Variants in FBXO11 observed in about 807,000 individuals in gnomAD.
FBXO11 encodes F-box protein 11.
A neutral mutation model predicts 117.0 loss-of-function variants in FBXO11; 13 were observed. The observed-to-expected ratio is 0.11, with a 90% confidence interval of 0.07 to 0.18. FBXO11 has a LOEUF of 0.18. FBXO11 is among the 10% of genes least tolerant of loss of function. The probability of loss-of-function intolerance (pLI) is 1.00; values close to 1 mark genes in which losing one functional copy is unlikely to be tolerated. For synonymous variants in FBXO11, 490 were observed against 380.5 expected, an observed-to-expected ratio of 1.29 and a Z score of -3.35; for missense variants, 767 against 1,164.4, an observed-to-expected ratio of 0.66 and a Z score of 4.97.
chr2:47,885,176 A>G (rs1558472575), intron 1 of FBXO11, among the ~76,000 whole-genome samples: 1 of 152,266 alleles, frequency 6.6e-6, no homozygotes, highest in Non-Finnish European at 1.5e-5. Flanking sequence ...AAAGCCATCA[A>G]GAAGACATAA....
At chr2:47,819,119 A>G (rs1219816860) in intron 14 of FBXO11, 41 bp from the exon 15 acceptor site, 1 of 1,597,190 alleles carries the variant, frequency 6.3e-7, no homozygotes, top group Non-Finnish European at 8.5e-7. Context: ...TATCTTCTAT[A>G]AGCAAGGCGT....
chr2:47,834,534 A>C, intron 7 of FBXO11, 45 bp downstream of exon 7: 2 of 1,437,374 alleles, frequency 1.4e-6, no homozygotes, highest in Non-Finnish European at 1.9e-6. Context: ...TATCACATAA[A>C]TGAGTAAAAT....
intron 1 of FBXO11, 89 bp downstream of exon 1, chr2:47,905,400 G>A: frequency 2.8e-6 from 3 of 1,069,654 alleles, no homozygotes; most frequent in Non-Finnish European, 3.4e-6. Flanking sequence ...CGCGCAGGCC[G>A]CCCCCGCCCG....
At chr2:47,859,092 A>G (rs1435075738) in intron 1 of FBXO11, among the ~76,000 whole-genome samples, 2 of 151,900 alleles carry the variant, frequency 1.3e-5, no homozygotes, top group African/African-American at 4.8e-5. Context: ...ATTAATAGCT[A>G]TAAAATTAAA....
chr2:47,851,273 C>T (rs1399889835), intron 1 of FBXO11, among the ~76,000 whole-genome samples: 2 of 152,164 alleles, frequency 1.3e-5, no homozygotes, highest in South Asian at 2.1e-4. Context: ...GTTGCACAGG[C>T]TGGAGTGCAG....
intron 1 of FBXO11, among the ~76,000 whole-genome samples, chr2:47,857,964 T>C (rs1056884197): frequency 2.6e-5 from 4 of 151,924 alleles, no homozygotes; most frequent in Non-Finnish European, 4.4e-5. Context: ...CACACATACA[T>C]ATATTTCAAA....
intron 13 of FBXO11, among the ~76,000 whole-genome samples, chr2:47,821,259 C>A (rs557097058): frequency 5.3e-4 from 81 of 152,258 alleles, no homozygotes; most frequent in African/African-American, 1.9e-3. Context: ...AGGCAGCTCA[C>A]TTGAGGCCAG....
At chr2:47,866,475 T>A (rs939199515) in intron 1 of FBXO11, among the ~76,000 whole-genome samples, 3 of 143,324 alleles carry the variant, frequency 2.1e-5, no homozygotes, top group African/African-American at 7.7e-5. Context: ...AGCAAGTTTG[T>A]TTTTTTTTTT....
At chr2:47,873,597 G>C (rs1180496686) in intron 1 of FBXO11, among the ~76,000 whole-genome samples, 1 of 152,042 alleles carries the variant, frequency 6.6e-6, no homozygotes, top group Non-Finnish European at 1.5e-5. Flanking sequence ...TTATTCCTTA[G>C]TCTTTTGGGG....
rs149130987 is a variant in FBXO11, at chr2:47,882,008, A to G, written c.232+23481T>C. 1.4e-4 allele frequency among the ~76,000 whole-genome samples: 21 copies of G among 152,318 alleles called. 1 individual carries two copies. Among genetic ancestry groups the G allele is most frequent in the African/African-American group, 4.8e-4 (20 of 41,572 alleles). On this transcript the variant is annotated intron_variant, in intron 1 of 22. Coordinates refer to ENST00000403359, the MANE Select transcript of FBXO11 (RefSeq NM_001190274.2). The stretch of plus-strand genomic sequence containing the variant: ...AGTGATCTGCCTATTTTGGCCTCCC[A>G]AAGTGCTGGGATTACAGATGTGAGT...
intron 1 of FBXO11, among the ~76,000 whole-genome samples, chr2:47,900,691 CGTATACACACACGT>C (rs1157209962): frequency 8.9e-5 from 11 of 122,944 alleles, no homozygotes; most frequent in African/African-American, 3.3e-4. Context: ...TATACACACA[CGTATACACACACGT>C]GTATATATAT....
chr2:47,835,590 T>G (rs1015931775), intron 5 of FBXO11, among the ~76,000 whole-genome samples: 1 of 152,034 alleles, frequency 6.6e-6, no homozygotes, highest in Non-Finnish European at 1.5e-5. Flanking sequence ...CTCTGCCTCC[T>G]GGGTTCAAGT....
chr2:47,898,619 G>C (rs1677856638), intron 1 of FBXO11, among the ~76,000 whole-genome samples: 1 of 152,200 alleles, frequency 6.6e-6, no homozygotes, highest in Non-Finnish European at 1.5e-5. Flanking sequence ...AATCAGTAGA[G>C]TCTCATCTTG....
intron 1 of FBXO11, among the ~76,000 whole-genome samples, chr2:47,904,531 G>C (rs1032373822): frequency 2.0e-5 from 3 of 151,836 alleles, no homozygotes; most frequent in African/African-American, 7.3e-5. Flanking sequence ...GGGTCCAAAT[G>C]ACACATTTCA....
chr2:47,815,845 C>A (rs1228128541), intron 16 of FBXO11, among the ~76,000 whole-genome samples: 2 of 152,198 alleles, frequency 1.3e-5, no homozygotes, highest in Non-Finnish European at 2.9e-5. Flanking sequence ...ATATCTGATC[C>A]TCCTGTGGCT....
intron 1 of FBXO11, among the ~76,000 whole-genome samples, chr2:47,863,900 C>A (rs1311308539): frequency 6.7e-5 from 10 of 149,288 alleles, no homozygotes; most frequent in Admixed American, 2.7e-4. Flanking sequence ...AAGATTGTGC[C>A]AATGCACTCC....
intron 1 of FBXO11, among the ~76,000 whole-genome samples, chr2:47,887,133 A>G (rs1676918153): frequency 6.6e-6 from 1 of 151,886 alleles, no homozygotes; most frequent in South Asian, 2.1e-4. Context: ...TAAAAATACA[A>G]ACTTAGATGG....
intron 14 of FBXO11, among the ~76,000 whole-genome samples, chr2:47,820,038 AAATAT>A (rs761175345): frequency 5.3e-5 from 8 of 152,356 alleles, no homozygotes; most frequent in Non-Finnish European, 7.3e-5. Flanking sequence ...CTGGTGTAAC[AAATAT>A]AATAGACTGC....
chr2:47,900,265 G>A (rs1678005993), intron 1 of FBXO11, among the ~76,000 whole-genome samples: 2 of 151,990 alleles, frequency 1.3e-5, no homozygotes, highest in African/African-American at 2.4e-5. Flanking sequence ...AAGGTTGAGT[G>A]GCACTGTCTC....
Sources: allele counts gnomAD v4.1 joint callset (sites outside exome capture counted in the v4.1 genomes callset), GRCh38; gene constraint gnomAD v4.1.1; transcripts MANE v1.5; gene names NCBI Gene and HGNC (gene_info 2026-07-23, HGNC 2026-07-21).